Variants in DIP2C observed in about 807,000 individuals in gnomAD.
The protein encoded by DIP2C is DIP2 acetate--CoA ligase C (putative).
DIP2C carries 33 observed loss-of-function variants against 192.4 expected under a neutral mutation model. The observed-to-expected ratio is 0.17, with a 90% CI of 0.13 to 0.23. The LOEUF is 0.23. DIP2C is among the 10% of genes least tolerant of loss of function. The probability of loss-of-function intolerance (pLI) is 1.00; values close to 1 mark genes in which losing one functional copy is unlikely to be tolerated. For synonymous variants in DIP2C, 979 were observed against 864.1 expected (o/e 1.13, Z -2.33); for missense variants, 1,537 against 2,110.1 (o/e 0.73, Z 5.32).
intron 31 of DIP2C, among the ~76,000 whole-genome samples, chr10:317,306 A>G (rs1389070431): frequency 6.6e-6 from 1 of 152,216 alleles, no homozygotes; most frequent in African/African-American, 2.4e-5. Context: ...TGGCTTTCGT[A>G]AAGTTTGACT....
At chr10:293,191 G>A (rs548630274) in intron 32 of DIP2C, among the ~76,000 whole-genome samples, 2 of 152,342 alleles carry the variant, frequency 1.3e-5, no homozygotes, top group East Asian at 3.9e-4. Context: ...TGGCCTGATG[G>A]TCACTCATGA....
chr10:585,289 C>A (rs1390526570), intron 1 of DIP2C, among the ~76,000 whole-genome samples: 2 of 152,224 alleles, frequency 1.3e-5, no homozygotes, highest in Non-Finnish European at 2.9e-5. Flanking sequence ...GCGGGCATCG[C>A]CCTCACAAGC....
chr10:504,203 C>T (rs1219101670), intron 1 of DIP2C, among the ~76,000 whole-genome samples: 2 of 152,222 alleles, frequency 1.3e-5, no homozygotes, highest in African/African-American at 2.4e-5. Flanking sequence ...CACAGCGTAT[C>T]AATCACTGTC....
chr10:517,074 T>C (rs1055290134), intron 1 of DIP2C, among the ~76,000 whole-genome samples: 1 of 151,844 alleles, frequency 6.6e-6, no homozygotes, highest in Non-Finnish European at 1.5e-5. Context: ...AGTGGCACAG[T>C]CAAACGTTGA....
chr10:433,897 C>CT (rs891670761), intron 4 of DIP2C, among the ~76,000 whole-genome samples: 26 of 148,106 alleles, frequency 1.8e-4, no homozygotes, highest in South Asian at 4.2e-4. Flanking sequence ...GCCCTTTTGT[C>CT]TTTTTTTTTC....
chr10:432,550 T>G (rs888825607), intron 4 of DIP2C, among the ~76,000 whole-genome samples: 2 of 152,218 alleles, frequency 1.3e-5, no homozygotes, highest in Non-Finnish European at 2.9e-5. Flanking sequence ...CTGATATTGG[T>G]AATTTATCTG....
intron 17 of DIP2C, among the ~76,000 whole-genome samples, chr10:372,220 C>T (rs1211949450): frequency 3.3e-5 from 5 of 152,012 alleles, no homozygotes; most frequent in East Asian, 1.9e-4. Context: ...GGACTACAGG[C>T]GCCGCCACCA....
At chr10:471,455 G>A (rs1344249675) in intron 3 of DIP2C, among the ~76,000 whole-genome samples, 3 of 152,180 alleles carry the variant, frequency 2.0e-5, no homozygotes, top group Admixed American at 2.0e-4. Flanking sequence ...AACACCAGGT[G>A]AGTTCCGTCA....
chr10:641,665 T>G (rs1273631930), intron 1 of DIP2C: 2 of 154,158 alleles, frequency 1.3e-5, no homozygotes, highest in Admixed American at 1.3e-4. Context: ...TCAGATGTAC[T>G]CAAGTCGGCT....
At chr10:511,506 A>AG (rs754363640) in intron 1 of DIP2C, among the ~76,000 whole-genome samples, 2 of 152,248 alleles carry the variant, frequency 1.3e-5, no homozygotes, top group Non-Finnish European at 2.9e-5. Flanking sequence ...GAGAAGTATG[A>AG]GGAAAAAAGA....
At chr10:541,979 G>C (rs549712404) in intron 1 of DIP2C, among the ~76,000 whole-genome samples, 8 of 152,328 alleles carry the variant, frequency 5.3e-5, no homozygotes, top group African/African-American at 1.9e-4. Context: ...CCGCGTGCCA[G>C]GACACGCCCC....
chr10:502,741 A>G (rs372504685), intron 1 of DIP2C, among the ~76,000 whole-genome samples: 46 of 152,304 alleles, frequency 3.0e-4, no homozygotes, highest in African/African-American at 1.1e-3. Flanking sequence ...AGCTGTATAA[A>G]AAACACTTAG....
At chr10:577,791 G>A (rs766611082) in intron 1 of DIP2C, among the ~76,000 whole-genome samples, 6 of 151,782 alleles carry the variant, frequency 4.0e-5, no homozygotes, top group East Asian at 1.9e-4. Flanking sequence ...TAAACCCAGA[G>A]ATGTTTTGTT....
At chr10:587,865 C>G (rs1378251177) in intron 1 of DIP2C, among the ~76,000 whole-genome samples, 3 of 53,236 alleles carry the variant, frequency 5.6e-5, no homozygotes, top group Non-Finnish European at 1.0e-4. Context: ...CTGCGGAAAC[C>G]CCACATCCAC....
intron 19 of DIP2C, 98 bp from the exon 20 acceptor site, chr10:364,680 C>T: frequency 1.5e-6 from 2 of 1,345,144 alleles, no homozygotes; most frequent in South Asian, 2.7e-5. Context: ...TTTGCTTAAG[C>T]TCTGCCTTTC....
At chr10:456,361 G>A (rs1589835892) in intron 3 of DIP2C, among the ~76,000 whole-genome samples, 1 of 132,358 alleles carries the variant, frequency 7.6e-6, no homozygotes, top group South Asian at 2.5e-4. Context: ...GCCGTGAGGA[G>A]TAAATGAGAT....
At chr10:556,916 A>G (rs1393137902) in intron 1 of DIP2C, among the ~76,000 whole-genome samples, 1 of 147,020 alleles carries the variant, frequency 6.8e-6, no homozygotes, top group African/African-American at 2.7e-5. Flanking sequence ...TCAAACCTAC[A>G]TGCACTCTCT....
At position 400,275 on chromosome 10, in the gene DIP2C, G is replaced by A. The variant is rs72772867; in HGVS notation, c.1150-1056C>T. On this transcript the variant is annotated intron_variant, in intron 9 of 36. Transcript: ENST00000280886. ...TGGCCTCAAGCGATTCTCCTGCCTTGGTCCCCGCAAAGTGTTGGGATTACA... is the reference window on the plus strand; with the variant it reads ...TGGCCTCAAGCGATTCTCCTGCCTTAGTCCCCGCAAAGTGTTGGGATTACA... Among the ~76,000 whole-genome samples the A allele has an allele frequency of 2.3e-3, 354 of 152,270 alleles. 2 individuals carry two copies. Among genetic ancestry groups the A allele is most frequent in the Non-Finnish European group, 4.2e-3 (283 of 68,032 alleles).
intron 1 of DIP2C, among the ~76,000 whole-genome samples, chr10:495,791 T>TC (rs1330470907): frequency 6.6e-6 from 1 of 150,688 alleles, no homozygotes; most frequent in African/African-American, 2.4e-5. Context: ...CACAGTGCCC[T>TC]CCCCATGTAC....
Sources: allele counts gnomAD v4.1 joint callset (sites outside exome capture counted in the v4.1 genomes callset), GRCh38; gene constraint gnomAD v4.1.1; transcripts MANE v1.5; gene names NCBI Gene and HGNC (gene_info 2026-07-23, HGNC 2026-07-21).